CLEC9A: variants seen among roughly 807,000 people sequenced by gnomAD.
CLEC9A encodes the protein C-type lectin domain containing 9A, also known as C-type lectin domain family 9 member A.
A neutral mutation model predicts 30.0 loss-of-function variants in CLEC9A; 24 were observed. The ratio of observed to expected loss-of-function variants is 0.80; its 90% CI spans 0.58 to 1.13. The LOEUF (loss-of-function observed/expected upper bound fraction) is 1.13, where lower values mean the gene tolerates loss of function less well. Ranked by LOEUF, CLEC9A falls within the 50% of genes most tolerant of loss-of-function variation. CLEC9A has a pLI of 0.00. For missense variants in CLEC9A, 251 were observed against 280.9 expected (o/e 0.89, Z 0.76); for synonymous variants, 111 against 96.8 (o/e 1.15, Z -0.86).
chr12:10,054,439 G>A (rs1043863433), intron 5 of CLEC9A, 88 bp downstream of exon 5: 6 of 832,956 alleles, frequency 7.2e-6, no homozygotes, highest in South Asian at 3.4e-5. Context: ...CAATTCATAT[G>A]TGAATGCACA....
intron 1 of CLEC9A, among the ~76,000 whole-genome samples, chr12:10,040,122 C>T (rs1017108886): frequency 2.6e-5 from 4 of 152,210 alleles, no homozygotes; most frequent in Admixed American, 1.3e-4. Context: ...CTTGCCCAAT[C>T]TTATCACAAG....
At chr12:10,031,738 A>G (rs1865698857) in intron 1 of CLEC9A, among the ~76,000 whole-genome samples, 1 of 152,084 alleles carries the variant, frequency 6.6e-6, no homozygotes, top group Non-Finnish European at 1.5e-5. Context: ...GGGAGTAGCA[A>G]CCAATGTCGG....
chr12:10,045,240 C>T (rs923360091), intron 2 of CLEC9A, among the ~76,000 whole-genome samples: 1 of 152,146 alleles, frequency 6.6e-6, no homozygotes, highest in Non-Finnish European at 1.5e-5. Flanking sequence ...TTCTTTGGGG[C>T]TCCTATTGTA....
chr12:10,034,960 C>T (rs539265187), intron 1 of CLEC9A, among the ~76,000 whole-genome samples: 5 of 152,286 alleles, frequency 3.3e-5, no homozygotes, highest in South Asian at 4.1e-4. Context: ...TCAGATCACA[C>T]GTGGGCTTGG....
chr12:10,038,598 G>T (rs952536346), intron 1 of CLEC9A, among the ~76,000 whole-genome samples: 1 of 152,148 alleles, frequency 6.6e-6, no homozygotes, highest in Non-Finnish European at 1.5e-5. Context: ...GCTCATGGGG[G>T]TTTAACAACA....
chr12:10,058,147 T>C (rs529446206), intron 5 of CLEC9A, among the ~76,000 whole-genome samples: 3 of 152,320 alleles, frequency 2.0e-5, no homozygotes, highest in African/African-American at 7.2e-5. Flanking sequence ...CCAGTTTTAT[T>C]ACAGTTTCAT....
In CLEC9A at chr12:10,063,144, A is replaced by G; in HGVS notation, c.409A>G (p.Ser137Gly). Residue 137 changes from serine (S) to glycine (G), a missense_variant, in exon 7 of 9, where the codon AGT (serine) becomes GGT (glycine). Coordinates refer to ENST00000355819, the MANE Select transcript of CLEC9A (RefSeq NM_207345.4). Reference sequence around the variant, plus strand: ...TGAAATTTGGAGCATTTGGCACACCAGTCAAGAGAATTGTTTAAAGGAAGG... The same window carrying G: ...TGAAATTTGGAGCATTTGGCACACCGGTCAAGAGAATTGTTTAAAGGAAGG... ...VSEIWSIWHTSQENCLKEGST... is the reference protein window; with the variant it reads ...VSEIWSIWHTGQENCLKEGST... 6.2e-7 allele frequency: 1 copy of G among 1,612,230 alleles called. No individual in the cohort carries two copies. Among genetic ancestry groups the G allele is most frequent in the Non-Finnish European group, 8.5e-7 (1 of 1,179,292 alleles).
In CLEC9A at chr12:10,052,868, A is replaced by T. The variant is rs1163989624; in HGVS notation, c.91+90A>T. On this transcript the variant is annotated intron_variant, in intron 4 of 8. Coordinates refer to ENST00000355819, the MANE Select transcript of CLEC9A (RefSeq NM_207345.4). ...ATCATGAGGCCAAGATGTTTATTCT[A>T]ATCCGAGATAATCTACCTAAGGGTA... 2.9e-6 allele frequency: 4 copies of T among 1,373,570 alleles called. No individual in the cohort carries two copies. The Admixed American group carries it at 7.0e-5, about 24-fold the overall frequency. The allele number at this position is 1,373,570 out of a possible 1,614,324, so 85.1% of individuals were successfully genotyped here. A position where few individuals can be genotyped will look rare whatever the true frequency, so the allele number is the denominator to read the frequency against.
chr12:10,052,941 G>T, intron 4 of CLEC9A, 163 bp downstream of exon 4: 1 of 736,908 alleles, frequency 1.4e-6, no homozygotes. Flanking sequence ...ATTAAGTAAC[G>T]GTGAAAAATA....
In CLEC9A at chr12:10,048,608, T is replaced by C. The variant is rs550343833; in HGVS notation, c.-162-3383T>C. On this transcript the variant is annotated intron_variant, in intron 2 of 8. Coordinates refer to ENST00000355819, the MANE Select transcript of CLEC9A (RefSeq NM_207345.4). ...CACAGCGTGTTCACCAGGAGTAATA[T>C]TTGTCTCAAGAAACCATTTTATTTG... is the stretch of plus-strand genomic sequence containing the variant. Among the ~76,000 whole-genome samples the C allele has an allele frequency of 2.6e-5, 4 of 152,322 alleles. No individual in the cohort carries two copies. The East Asian group carries it at 7.7e-4, about 29-fold the overall frequency.
At chr12:10,042,209 T>C (rs1392323380) in intron 2 of CLEC9A, among the ~76,000 whole-genome samples, 1 of 152,206 alleles carries the variant, frequency 6.6e-6, no homozygotes, top group Non-Finnish European at 1.5e-5. Flanking sequence ...ATCTGTCAGG[T>C]TCTGTAGGGA....
intron 7 of CLEC9A, among the ~76,000 whole-genome samples, chr12:10,063,771 T>G (rs1263004210): frequency 6.6e-6 from 1 of 152,210 alleles, no homozygotes; most frequent in Non-Finnish European, 1.5e-5. Flanking sequence ...ATCCCAGCAT[T>G]TTGGGAGGCC....
At chr12:10,048,173 C>T (rs896691460) in intron 2 of CLEC9A, among the ~76,000 whole-genome samples, 3 of 149,876 alleles carry the variant, frequency 2.0e-5, no homozygotes, top group African/African-American at 7.4e-5. Context: ...GCGGAGCTTG[C>T]AGTGAGCCGA....
intron 3 of CLEC9A, chr12:10,052,326 C>G (rs1865899984): frequency 4.8e-6 from 1 of 208,274 alleles, no homozygotes; most frequent in African/African-American, 2.3e-5. Flanking sequence ...CGCTTCATCT[C>G]CTATACCAAA....
chr12:10,041,017 C>G (rs1002023575), intron 1 of CLEC9A: 1 of 157,836 alleles, frequency 6.3e-6, no homozygotes, highest in Admixed American at 6.5e-5. Flanking sequence ...CCGACACGGG[C>G]GGATCCTCTG....
At chr12:10,040,025 G>T (rs61918591) in intron 1 of CLEC9A, among the ~76,000 whole-genome samples, 1 of 152,034 alleles carries the variant, frequency 6.6e-6, no homozygotes, top group Non-Finnish European at 1.5e-5. Flanking sequence ...GTTTCGCCAC[G>T]TTGGCCAGGC....
chr12:10,043,452 C>G (rs75696155), intron 2 of CLEC9A: 2,732 of 154,042 alleles, frequency 0.018, 39 homozygotes, highest in Non-Finnish European at 0.031. Flanking sequence ...TAATCAGCAG[C>G]TGAGTCACTT....
intron 5 of CLEC9A, among the ~76,000 whole-genome samples, chr12:10,057,451 A>G (rs999515308): frequency 6.6e-6 from 1 of 151,994 alleles, no homozygotes; most frequent in Non-Finnish European, 1.5e-5. Flanking sequence ...TGCTAATTAC[A>G]AATTGCTCAT....
chr12:10,041,736 T>G, intron 2 of CLEC9A, 116 bp downstream of exon 2: 1 of 455,778 alleles, frequency 2.2e-6, no homozygotes, highest in Non-Finnish European at 4.4e-6. Context: ...TGTACTAATC[T>G]AAGAACTTTA....
Sources: gnomAD v4.1 joint callset for allele counts (sites outside exome capture counted in the v4.1 genomes callset) on GRCh38, gnomAD v4.1.1 for gene constraint, MANE v1.5 for transcripts, NCBI Gene and HGNC (gene_info 2026-07-23, HGNC 2026-07-21) for gene names.